The following CHCT1 variants were observed in gnomAD, a reference collection of about 807,000 sequenced individuals.
CHCT1 encodes the protein CHD1 helical C-terminal domain containing 1.
the CHCT1 span, chr17:60,421,345 A>G: frequency 1.0e-6 from 1 of 985,190 alleles, no homozygotes; most frequent in Non-Finnish European, 1.2e-6. Context: ...TGCTCCTCCA[A>G]AGCTCCGGGC....
chr17:60,422,250 T>G, the CHCT1 span: 3 of 346,788 alleles, frequency 8.7e-6, no homozygotes, highest in South Asian at 2.6e-5. Context: ...CCTTACCAGG[T>G]GGTGTCAGGA....
chr17:60,421,535 T>G, the CHCT1 span: 2 of 985,094 alleles, frequency 2.0e-6, no homozygotes, highest in African/African-American at 3.5e-5. Context: ...CGAAGGAAGG[T>G]CCGGGAGAAG....
At chr17:60,426,057 G>A in the CHCT1 span, 2 of 1,341,726 alleles carry the variant, frequency 1.5e-6, no homozygotes, top group East Asian at 2.5e-5. Flanking sequence ...CGCAGCACTG[G>A]GCCACTCAGG....
At chr17:60,421,261 C>A in the CHCT1 span, 5 of 699,688 alleles carry the variant, frequency 7.1e-6, no homozygotes, top group Non-Finnish European at 8.8e-6. Context: ...ACAACAACGA[C>A]AACAATAACA....
chr17:60,430,175 G>A, the CHCT1 span, among the ~76,000 whole-genome samples: 3 of 145,502 alleles, frequency 2.1e-5, no homozygotes, highest in African/African-American at 7.9e-5. Flanking sequence ...GAAAAGATGA[G>A]GCTATTATTC....
At chr17:60,431,306 T>C in the CHCT1 span, 1 of 1,462,568 alleles carries the variant, frequency 6.8e-7, no homozygotes, top group Non-Finnish European at 9.4e-7. Flanking sequence ...GTCCTGGCTC[T>C]CAGAGCACGG....
At chr17:60,426,744 T>C in the CHCT1 span, 2 of 1,611,440 alleles carry the variant, frequency 1.2e-6, no homozygotes, top group Non-Finnish European at 1.7e-6. Context: ...ATCTCCCTCT[T>C]CTCGGAGCTG....
At chr17:60,427,814 C>A in the CHCT1 span, among the ~76,000 whole-genome samples, 1 of 152,066 alleles carries the variant, frequency 6.6e-6, no homozygotes, top group East Asian at 1.9e-4. Flanking sequence ...GTCCTAAAAA[C>A]CCCCTGTGCT....
the CHCT1 span, chr17:60,431,072 A>G: frequency 1.4e-6 from 1 of 720,018 alleles, no homozygotes; most frequent in Non-Finnish European, 2.3e-6. Flanking sequence ...GTAAGATAGG[A>G]TTTTGCTATT....
the CHCT1 span, chr17:60,429,393 G>T: frequency 1.2e-6 from 2 of 1,613,974 alleles, no homozygotes; most frequent in African/African-American, 2.7e-5. Context: ...GCGCCGGAGA[G>T]GTCCTTGCTG....
chr17:60,428,738 C>T, the CHCT1 span, among the ~76,000 whole-genome samples: 1 of 151,966 alleles, frequency 6.6e-6, no homozygotes, highest in Non-Finnish European at 1.5e-5. Context: ...CTGCCCTCCT[C>T]GACCTTCCAA....
chr17:60,430,669 T>C, the CHCT1 span, among the ~76,000 whole-genome samples: 2 of 152,190 alleles, frequency 1.3e-5, no homozygotes, highest in South Asian at 2.1e-4. Flanking sequence ...TTAGTAGAGA[T>C]GGGGTTTCAC....
chr17:60,429,396 C>G, the CHCT1 span: 1 of 1,614,160 alleles, frequency 6.2e-7, no homozygotes, highest in Non-Finnish European at 8.5e-7. Flanking sequence ...CCGGAGAGGT[C>G]CTTGCTGGCC....
At chr17:60,427,543 A>G in the CHCT1 span, among the ~76,000 whole-genome samples, 1 of 151,854 alleles carries the variant, frequency 6.6e-6, no homozygotes, top group South Asian at 2.1e-4. Context: ...ACAGCCTCCC[A>G]GGTAGCTGGG....
chr17:60,421,723 C>A, the CHCT1 span: 1 of 795,912 alleles, frequency 1.3e-6, no homozygotes, highest in Non-Finnish European at 1.5e-6. Context: ...CCGGCCAACT[C>A]AGACTACACC....
At chr17:60,421,839 C>T in the CHCT1 span, 1 of 985,262 alleles carries the variant, frequency 1.0e-6, no homozygotes. Context: ...GGCTCCCCGC[C>T]TGGTGGCTGC....
At chr17:60,426,741 T>C in the CHCT1 span, 1 of 1,611,392 alleles carries the variant, frequency 6.2e-7, no homozygotes, top group East Asian at 2.2e-5. Context: ...TTCATCTCCC[T>C]CTTCTCGGAG....
At chr17:60,422,302 C>T in the CHCT1 span, 1 of 525,614 alleles carries the variant, frequency 1.9e-6, no homozygotes, top group Non-Finnish European at 3.1e-6. Context: ...GCGCCAGCCT[C>T]TCCTGGCCTG....
chr17:60,431,341 G>T, the CHCT1 span: 19 of 1,029,680 alleles, frequency 1.8e-5, no homozygotes, highest in East Asian at 3.9e-4. Context: ...AAAGGGAAAA[G>T]AATTGTCCTT....
Sources: allele counts gnomAD v4.1 joint callset (sites outside exome capture counted in the v4.1 genomes callset), GRCh38; gene constraint gnomAD v4.1.1; transcripts MANE v1.5; gene names NCBI Gene and HGNC (gene_info 2026-07-23, HGNC 2026-07-21).